Variants in ICA1 observed in about 807,000 individuals in gnomAD.
ICA1 encodes the protein 69 kDa islet cell autoantigen.
ICA1 carries 40 observed loss-of-function variants against 71.0 expected under a neutral mutation model. That is an observed-to-expected ratio of 0.56 (90% CI 0.44 to 0.73). The LOEUF (loss-of-function observed/expected upper bound fraction) is 0.73, where lower values mean the gene tolerates loss of function less well. Among genes scored for constraint, ICA1 ranks in the 30% least tolerant of loss-of-function variants. ICA1 has a pLI of 0.00. For missense variants in ICA1, 578 were observed against 576.5 expected, an observed-to-expected ratio of 1.00 and a Z score of -0.03; for synonymous variants, 207 against 209.5, an observed-to-expected ratio of 0.99 and a Z score of 0.10.
At chr7:8,129,757 G>C (rs1434299947) in intron 12 of ICA1, among the ~76,000 whole-genome samples, 1 of 151,986 alleles carries the variant, frequency 6.6e-6, no homozygotes, top group African/African-American at 2.4e-5. Flanking sequence ...CAACGTGCAG[G>C]TTTGTTACAT....
At chr7:8,158,234 T>C in intron 7 of ICA1, 1 of 351,286 alleles carries the variant, frequency 2.8e-6, no homozygotes, top group Non-Finnish European at 5.2e-6. Flanking sequence ...GTCTCGTACA[T>C]TAAAAAGAAT....
chr7:8,216,825 T>C (rs7806154), intron 6 of ICA1, among the ~76,000 whole-genome samples: 44,663 of 152,126 alleles, frequency 0.29, 9,908 homozygotes, highest in African/African-American at 0.63. Flanking sequence ...TTTCCTAACA[T>C]GGGTATCATT....
chr7:8,181,635 A>T (rs1782221566), intron 6 of ICA1, among the ~76,000 whole-genome samples: 1 of 152,160 alleles, frequency 6.6e-6, no homozygotes, highest in Admixed American at 6.5e-5. Context: ...AACCTGCTTT[A>T]ATTTTCCTAA....
intron 6 of ICA1, among the ~76,000 whole-genome samples, chr7:8,171,357 G>A (rs957674419): frequency 6.6e-6 from 1 of 151,786 alleles, no homozygotes; most frequent in Admixed American, 6.6e-5. Context: ...ATTTCTATTT[G>A]AGTGAATTTT....
At chr7:8,148,306 G>A (rs575527538) in intron 8 of ICA1, among the ~76,000 whole-genome samples, 11 of 152,114 alleles carry the variant, frequency 7.2e-5, no homozygotes, top group African/African-American at 2.4e-4. Context: ...TAGAATTTTT[G>A]CTTCACCAAC....
intron 9 of ICA1, among the ~76,000 whole-genome samples, chr7:8,142,544 A>G (rs930141956): frequency 6.6e-6 from 1 of 152,218 alleles, no homozygotes; most frequent in Non-Finnish European, 1.5e-5. Flanking sequence ...TGAATGCTTT[A>G]TTTTGATTGT....
In ICA1 at chr7:8,113,884, T is replaced by TG; in HGVS notation, c.*38dup. On this transcript the variant is annotated 3_prime_UTR_variant, in exon 14 of 14. Transcript: ENST00000402384. The surrounding 1 kb of genome is among the most constrained non-coding windows in gnomAD (Gnocchi z 4.2). The stretch of plus-strand genomic sequence containing the variant: ...TTCTGCTAGCCCCCAGGGGAGCTGC[T>TG]GGGGGCGGCATGTGAGTGCCCTCCC... 6.2e-7 allele frequency: 1 copy of TG among 1,612,662 alleles called. No homozygotes were observed. The highest frequency in any genetic ancestry group is 8.5e-7 in the Non-Finnish European group (1 of 1,178,726).
At chr7:8,167,034 A>G (rs1806264676) in intron 6 of ICA1, among the ~76,000 whole-genome samples, 1 of 152,208 alleles carries the variant, frequency 6.6e-6, no homozygotes, top group Non-Finnish European at 1.5e-5. Context: ...TGGGAATGTA[A>G]ATTAGTCAGC....
intron 6 of ICA1, among the ~76,000 whole-genome samples, chr7:8,203,244 A>G (rs562387064): frequency 2.0e-5 from 3 of 152,278 alleles, no homozygotes; most frequent in African/African-American, 7.2e-5. Context: ...GCATGTAAGT[A>G]CTAAAAAGCA....
At chr7:8,189,194 G>T (rs1209954202) in intron 6 of ICA1, among the ~76,000 whole-genome samples, 1 of 152,160 alleles carries the variant, frequency 6.6e-6, no homozygotes, top group East Asian at 1.9e-4. Context: ...TTATTTGACT[G>T]TATTCCCACC....
chr7:8,256,247 C>T (rs1327006341), intron 1 of ICA1, among the ~76,000 whole-genome samples: 2 of 152,174 alleles, frequency 1.3e-5, no homozygotes, highest in African/African-American at 4.8e-5. Flanking sequence ...CTATATGATG[C>T]AAATCAAATT....
At chr7:8,227,661 C>A (rs1051967948) in intron 4 of ICA1, 2 of 416,032 alleles carry the variant, frequency 4.8e-6, no homozygotes, top group Admixed American at 2.7e-5. Context: ...GGCTGGAGCA[C>A]AACGGCTCAT....
At chr7:8,187,737 C>G (rs531137696) in intron 6 of ICA1, among the ~76,000 whole-genome samples, 56 of 152,220 alleles carry the variant, frequency 3.7e-4, no homozygotes, top group African/African-American at 1.3e-3. Context: ...ATTCTATAAG[C>G]TTTTTTCTAT....
chr7:8,120,557 C>T (rs893925418), intron 13 of ICA1, among the ~76,000 whole-genome samples: 5 of 152,128 alleles, frequency 3.3e-5, no homozygotes, highest in African/African-American at 1.2e-4. Flanking sequence ...GCATTTTTAA[C>T]ATGAAGGTGT....
At chr7:8,201,080 A>T (rs1315594505) in intron 6 of ICA1, among the ~76,000 whole-genome samples, 1 of 152,198 alleles carries the variant, frequency 6.6e-6, no homozygotes, top group Non-Finnish European at 1.5e-5. Flanking sequence ...AAATTGGGGC[A>T]ATATTTTTGT....
At chr7:8,178,941 T>C (rs1781395771) in intron 6 of ICA1, among the ~76,000 whole-genome samples, 3 of 152,200 alleles carry the variant, frequency 2.0e-5, no homozygotes, top group Non-Finnish European at 2.9e-5. Context: ...TGCCCTTCTA[T>C]ATTTTTCAGA....
intron 1 of ICA1, among the ~76,000 whole-genome samples, chr7:8,239,981 A>G (rs1027784620): frequency 1.3e-5 from 2 of 152,228 alleles, no homozygotes; most frequent in South Asian, 4.1e-4. Flanking sequence ...GCATCGCTGA[A>G]CAAAAGGCAG....
chr7:8,158,465 T>C, intron 7 of ICA1, 62 bp downstream of exon 7: 1 of 1,588,080 alleles, frequency 6.3e-7, no homozygotes, highest in Non-Finnish European at 8.6e-7. Context: ...TCAAACACCA[T>C]TTTGATGTTA....
intron 1 of ICA1, among the ~76,000 whole-genome samples, chr7:8,250,328 C>A (rs1419420137): frequency 6.6e-6 from 1 of 152,032 alleles, no homozygotes; most frequent in Non-Finnish European, 1.5e-5. Context: ...GCATAATTAA[C>A]CATATTAATT....
Sources: gnomAD v4.1 joint callset for allele counts (sites outside exome capture counted in the v4.1 genomes callset) on GRCh38, gnomAD v4.1.1 for gene constraint, Gnocchi (gnomAD v3.1) non-coding constraint, MANE v1.5 for transcripts, NCBI Gene and HGNC (gene_info 2026-07-23, HGNC 2026-07-21) for gene names.